The following OLFM2 variants were observed in gnomAD, a reference collection of about 807,000 sequenced individuals.
The protein encoded by OLFM2 is olfactomedin 2, also known as noelin-2.
In OLFM2, 20 loss-of-function variants were observed where a neutral mutation model predicts 43.9. The ratio of observed to expected loss-of-function variants is 0.46; its 90% confidence interval spans 0.32 to 0.66. The LOEUF is 0.66. Among genes scored for constraint, OLFM2 ranks in the 30% least tolerant of loss-of-function variants. The pLI is 0.04. For synonymous variants in OLFM2, 268 were observed against 278.6 expected (o/e 0.96, Z 0.38); for missense variants, 416 against 643.6 (o/e 0.65, Z 3.83).
At chr19:9,904,858 A>C (rs529899740) in intron 1 of OLFM2, among the ~76,000 whole-genome samples, 2 of 152,090 alleles carry the variant, frequency 1.3e-5, no homozygotes, top group East Asian at 3.9e-4. Context: ...ATCTCTATGC[A>C]AAATTTAAAA....
At chr19:9,932,620 A>G (rs1297227310) in intron 1 of OLFM2, among the ~76,000 whole-genome samples, 1 of 152,110 alleles carries the variant, frequency 6.6e-6, no homozygotes, top group African/African-American at 2.4e-5. Context: ...CAGGGGGAAC[A>G]GTGTCACAGG....
chr19:9,903,076 T>C (rs1389046888), intron 1 of OLFM2, among the ~76,000 whole-genome samples: 1 of 152,176 alleles, frequency 6.6e-6, no homozygotes, highest in African/African-American at 2.4e-5. Context: ...TATTTTGTTG[T>C]AGAGACAGGA....
At chr19:9,919,588 T>C (rs1288322834) in intron 1 of OLFM2, among the ~76,000 whole-genome samples, 1 of 152,034 alleles carries the variant, frequency 6.6e-6, no homozygotes, top group African/African-American at 2.4e-5. Context: ...TTCAAGTGAT[T>C]CCCTTACCTC....
At chr19:9,903,183 T>C (rs2046755483) in intron 1 of OLFM2, among the ~76,000 whole-genome samples, 1 of 152,194 alleles carries the variant, frequency 6.6e-6, no homozygotes, top group African/African-American at 2.4e-5. Flanking sequence ...TATAAGCCAC[T>C]GCACCTGGCC....
chr19:9,916,233 T>C (rs1414146214), intron 1 of OLFM2, among the ~76,000 whole-genome samples: 1 of 152,066 alleles, frequency 6.6e-6, no homozygotes, highest in South Asian at 2.1e-4. Context: ...GGTGCACGCC[T>C]GTAATCCCAG....
At chr19:9,900,989 A>AGGG (rs1555727282) in intron 1 of OLFM2, among the ~76,000 whole-genome samples, 1 of 30,344 alleles carries the variant, frequency 3.3e-5, no homozygotes, top group African/African-American at 3.1e-4. Flanking sequence ...GAAGGAAGGA[A>AGGG]GGGAGGGAGG....
intron 1 of OLFM2, among the ~76,000 whole-genome samples, chr19:9,929,043 C>T (rs1599505253): frequency 6.6e-6 from 1 of 151,686 alleles, no homozygotes; most frequent in Non-Finnish European, 1.5e-5. Flanking sequence ...ATGGCAAGAC[C>T]CCATCTCAAA....
chr19:9,915,557 G>A (rs899038922), intron 1 of OLFM2, among the ~76,000 whole-genome samples: 3 of 151,208 alleles, frequency 2.0e-5, no homozygotes, highest in African/African-American at 7.3e-5. Context: ...TTGCTCTGTC[G>A]CCCAGGCTGG....
chr19:9,856,664 C>A lies in OLFM2; in HGVS notation c.687+143G>T. The A allele has an allele frequency of 6.1e-6, 4 of 657,530 alleles. No individual in the cohort carries two copies. The South Asian group carries it at 7.4e-5, about 12-fold the overall frequency. 40.7% of individuals were successfully genotyped at this position (657,530 alleles called of 1,614,324 possible). On this transcript the variant is annotated intron_variant, in intron 5 of 5. Transcript: ENST00000264833. The surrounding 1 kb of genome is among the most constrained non-coding windows in gnomAD (Gnocchi z 4.0). ...CCTTGGTCACTTGGGGGTTACTGGA[C>A]AGGGAGGTCCAATGGCCCTGGGGGA...
At chr19:9,927,386 TCTC>T (rs2086460130) in intron 1 of OLFM2, among the ~76,000 whole-genome samples, 1 of 152,146 alleles carries the variant, frequency 6.6e-6, no homozygotes, top group African/African-American at 2.4e-5. Context: ...TCACTTCCCT[TCTC>T]CTATCTGCAC....
Position 9,854,334 on chromosome 19 carries a change from G to A in OLFM2, c.1217C>T (p.Thr406Met), listed in dbSNP as rs146812573. The A allele has an allele frequency of 8.1e-6, 13 of 1,614,088 alleles. No homozygotes were observed. The highest frequency in any genetic ancestry group is 1.3e-5 in the African/African-American group (1 of 74,930). The change falls in exon 6 of 6, where the codon ACG (threonine) becomes ATG (methionine). Residue 406 changes from threonine to methionine, a missense_variant. Physicochemically the swap from Thr to Met is moderately conservative, Grantham distance 81. Transcript: ENST00000264833. This position sits in a 1 kb window ranked among gnomAD's most constrained non-coding sequence, Gnocchi z 9.5. ...YFTNTSSYEY[T>M]DVPFHNQYSH... ...ATACTGGTTGTGGAAGGGCACGTCC[G>A]TGTACTCGTAACTGGACGTGTTGGT... is the stretch of plus-strand genomic sequence containing the variant.
intron 1 of OLFM2, among the ~76,000 whole-genome samples, chr19:9,881,678 T>TTC (rs2046540960): frequency 3.9e-5 from 1 of 25,828 alleles, no homozygotes; most frequent in African/African-American, 6.2e-5. Context: ...TTTTTTTTTT[T>TTC]ACAGTTGGGG....
rs1055262269 is a variant in OLFM2, at chr19:9,857,977, C to G, written c.214-116G>C. 1.5e-6 allele frequency: 2 copies of G among 1,294,324 alleles called. No homozygotes were observed. Among genetic ancestry groups the G allele is most frequent in the Admixed American group, 1.9e-5 (1 of 52,910 alleles). The allele number at this position is 1,294,324 out of a possible 1,614,324, so 80.2% of individuals were successfully genotyped here. ...TGTACAAACACCACACCGACGAGGCCACCTTCTCCTCCCCTGAGCTTACCA... is the reference window on the plus strand; with the variant it reads ...TGTACAAACACCACACCGACGAGGCGACCTTCTCCTCCCCTGAGCTTACCA... On this transcript the variant is annotated intron_variant, in intron 2 of 5. Transcript: ENST00000264833. The surrounding 1 kb of genome is among the most constrained non-coding windows in gnomAD (Gnocchi z 5.7).
chr19:9,862,410 G>A (rs1033429006), intron 1 of OLFM2, among the ~76,000 whole-genome samples: 5 of 151,610 alleles, frequency 3.3e-5, no homozygotes, highest in Middle Eastern at 3.4e-3. Context: ...GGTGGCTCAC[G>A]CCTGTAATCC....
intron 1 of OLFM2, among the ~76,000 whole-genome samples, chr19:9,876,405 C>G (rs2046488533): frequency 1.3e-5 from 2 of 152,112 alleles, no homozygotes; most frequent in Non-Finnish European, 2.9e-5. Context: ...AGGGAGGCCT[C>G]GAAGGCTGGA....
intron 1 of OLFM2, among the ~76,000 whole-genome samples, chr19:9,895,064 C>T (rs989827664): frequency 1.3e-5 from 2 of 152,228 alleles, no homozygotes; most frequent in East Asian, 1.9e-4. Context: ...GTCAGACACC[C>T]GGGCATTATC....
chr19:9,891,997 C>G (rs2046643658), intron 1 of OLFM2, among the ~76,000 whole-genome samples: 1 of 152,130 alleles, frequency 6.6e-6, no homozygotes, highest in Non-Finnish European at 1.5e-5. Context: ...ACACTGTTCT[C>G]CGAGAACACC....
intron 1 of OLFM2, among the ~76,000 whole-genome samples, chr19:9,876,911 T>C (rs531719913): frequency 1.0e-3 from 152 of 152,228 alleles, no homozygotes; most frequent in African/African-American, 3.5e-3. Flanking sequence ...GCAAGTTTAT[T>C]AGAGAAGTAA....
Position 9,926,416 on chromosome 19 carries a change from G to GTGGC in OLFM2, c.63+9884_63+9887dup, listed in dbSNP as rs545393821. On this transcript the variant is annotated intron_variant, in intron 1 of 5. Transcript: ENST00000264833. Reference sequence around the variant, plus strand: ...AAATACAAAAAATTAGCCGGGCGTGGTGGCGGCCGCCTGTAGTCCCAGCTA... The same window carrying GTGGC: ...AAATACAAAAAATTAGCCGGGCGTGGTGGCTGGCGGCCGCCTGTAGTCCCAGCTA... 2.0e-4 allele frequency among the ~76,000 whole-genome samples: 30 copies of GTGGC among 152,096 alleles called. No individual in the cohort carries two copies. The East Asian group carries it at 5.2e-3, about 27-fold the overall frequency.
Sources: gnomAD v4.1 joint callset for allele counts (sites outside exome capture counted in the v4.1 genomes callset) on GRCh38, gnomAD v4.1.1 for gene constraint, Gnocchi (gnomAD v3.1) non-coding constraint, MANE v1.5 for transcripts, NCBI Gene and HGNC (gene_info 2026-07-23, HGNC 2026-07-21) for gene names.